The following NFIA variants were observed in gnomAD, a reference collection of about 807,000 sequenced individuals.
NFIA encodes the protein nuclear factor 1 A-type.
NFIA carries 8 observed loss-of-function variants against 62.8 expected under a neutral mutation model. The observed-to-expected ratio is 0.13, with a 90% confidence interval of 0.07 to 0.23. NFIA has a LOEUF of 0.23. NFIA is among the 10% of genes least tolerant of loss of function. The pLI is 1.00. For missense variants in NFIA, 410 were observed against 642.1 expected (o/e 0.64, Z 3.91); for synonymous variants, 235 against 238.1 (o/e 0.99, Z 0.12).
intron 6 of NFIA, among the ~76,000 whole-genome samples, chr1:61,370,349 A>G (rs1394847154): frequency 1.3e-5 from 2 of 152,178 alleles, no homozygotes; most frequent in Admixed American, 1.3e-4. Context: ...ATCAAGAACT[A>G]TTTCCTGATG....
rs369305204 is a variant in NFIA at position 61,096,547 on chromosome 1, C to CTTTTTTTT, written c.559+7883_559+7890dup. Among the ~76,000 whole-genome samples, 674 of 80,586 alleles carry CTTTTTTTT rather than the reference C, an allele frequency of 8.4e-3. 61 individuals carry two copies. Among genetic ancestry groups the CTTTTTTTT allele is most frequent in the African/African-American group, 0.031 (578 of 18,590 alleles). 52.9% of individuals were successfully genotyped at this position (80,586 alleles called of 152,430 possible). ...TCTTTAAACTTAGTCAAGATTAGTT[C>CTTTTTTTT]TTTTTTTTTTTTTTTTTTTTTTTGA... On this transcript the variant is annotated intron_variant, in intron 2 of 10. Coordinates refer to ENST00000403491, the MANE Select transcript of NFIA (RefSeq NM_001134673.4).
chr1:61,102,015 A>T (rs1020426064), intron 2 of NFIA, among the ~76,000 whole-genome samples: 6 of 152,180 alleles, frequency 3.9e-5, no homozygotes, highest in African/African-American at 1.4e-4. Flanking sequence ...CTGAAAGTGA[A>T]ATCTGTTTCT....
chr1:61,297,591 C>T (rs1294744994), intron 3 of NFIA, among the ~76,000 whole-genome samples: 1 of 152,166 alleles, frequency 6.6e-6, no homozygotes, highest in African/African-American at 2.4e-5. Context: ...CCTATTTTAA[C>T]TCTACATGAA....
chr1:61,249,970 G>A (rs888332244), intron 2 of NFIA: 2 of 152,200 alleles, frequency 1.3e-5, no homozygotes, highest in African/African-American at 4.8e-5. Flanking sequence ...AAAAACACAT[G>A]CAGTTCCTTT....
chr1:61,301,741 G>A (rs1010696036), intron 3 of NFIA, among the ~76,000 whole-genome samples: 1 of 152,162 alleles, frequency 6.6e-6, no homozygotes, highest in East Asian at 1.9e-4. Context: ...AAGAGAGTAT[G>A]AACATGCTGA....
chr1:61,127,088 A>C (rs1646988227), intron 2 of NFIA, among the ~76,000 whole-genome samples: 1 of 147,056 alleles, frequency 6.8e-6, no homozygotes, highest in African/African-American at 2.5e-5. Context: ...TGAACCCAGG[A>C]GGTGGAGGTT....
intron 7 of NFIA, among the ~76,000 whole-genome samples, chr1:61,396,096 T>C (rs181435156): frequency 4.2e-4 from 64 of 152,254 alleles, no homozygotes; most frequent in South Asian, 6.2e-4. Context: ...AAGAGAGACC[T>C]AGGGAGAGAG....
At position 61,252,795 on chromosome 1, in the gene NFIA, C is replaced by G. The variant is rs567888377; in HGVS notation, c.560-24725C>G. Among the ~76,000 whole-genome samples the G allele has an allele frequency of 2.1e-3, 313 of 152,322 alleles. 1 individual carries two copies. Among genetic ancestry groups the G allele is most frequent in the African/African-American group, 6.9e-3 (285 of 41,570 alleles). ...GTTAAAATGTTTAAGGTGCATATGT[C>G]TCATTAATGAGTATCTTCTTCATCC... is the stretch of plus-strand genomic sequence containing the variant. On this transcript the variant is annotated intron_variant, in intron 2 of 10. Transcript: ENST00000403491.
At chr1:61,375,166 G>A (rs147585112) in intron 6 of NFIA, among the ~76,000 whole-genome samples, 12 of 152,332 alleles carry the variant, frequency 7.9e-5, no homozygotes, top group African/African-American at 2.4e-4. Flanking sequence ...GTTCCTGCCT[G>A]TGGGGGAATT....
At chr1:61,214,639 G>A (rs762940656) in intron 2 of NFIA, among the ~76,000 whole-genome samples, 8 of 152,022 alleles carry the variant, frequency 5.3e-5, no homozygotes, top group Non-Finnish European at 8.8e-5. Flanking sequence ...ATCATTAAAC[G>A]GTGACTTCTG....
intron 10 of NFIA, among the ~76,000 whole-genome samples, chr1:61,454,332 G>T (rs1345107586): frequency 6.6e-6 from 1 of 152,142 alleles, no homozygotes; most frequent in African/African-American, 2.4e-5. Context: ...GTCCATAATT[G>T]CTCATTCTGT....
In NFIA at chr1:61,384,521, G is replaced by C. The variant is rs529693652; in HGVS notation, c.1075+1156G>C. ...GTGTATTATGTGTGGTATAATCAGAGAGGCTTACTATCGATATATAATTTG... is the reference window on the plus strand; with the variant it reads ...GTGTATTATGTGTGGTATAATCAGACAGGCTTACTATCGATATATAATTTG... On this transcript the variant is annotated intron_variant, in intron 7 of 10. Coordinates refer to ENST00000403491, the MANE Select transcript of NFIA (RefSeq NM_001134673.4). Among the ~76,000 whole-genome samples, 3 of 152,264 alleles carry C rather than the reference G, an allele frequency of 2.0e-5. No homozygotes were observed. In the South Asian group the frequency reaches 6.2e-4, roughly 32 times the overall value.
In NFIA at chr1:61,277,804, G is replaced by C. The variant is rs183458256; in HGVS notation, c.625+219G>C. Among the ~76,000 whole-genome samples, 306 of 152,256 alleles carry C rather than the reference G, an allele frequency of 2.0e-3. 3 individuals are homozygous for C. The highest frequency in any genetic ancestry group is 7.5e-3 in the South Asian group (36 of 4,820). On this transcript the variant is annotated intron_variant, in intron 3 of 10. Transcript: ENST00000403491. ...GGACCCCCGGCCCTAAACACTATTA[G>C]GGTGCCCATGAGAACCTGAATTCCC...
At chr1:61,129,450 C>CTT (rs58108909) in intron 2 of NFIA, among the ~76,000 whole-genome samples, 1 of 99,182 alleles carries the variant, frequency 1.0e-5, no homozygotes. Context: ...TTTCTTTATT[C>CTT]TTTTTTTTTT....
At chr1:61,447,659 A>G (rs1036434905) in intron 10 of NFIA, among the ~76,000 whole-genome samples, 2 of 152,188 alleles carry the variant, frequency 1.3e-5, no homozygotes, top group African/African-American at 4.8e-5. Context: ...TCAGATCTCA[A>G]GCAGCTTCCG....
At chr1:61,131,728 G>A (rs935725904) in intron 2 of NFIA, among the ~76,000 whole-genome samples, 1 of 152,092 alleles carries the variant, frequency 6.6e-6, no homozygotes, top group African/African-American at 2.4e-5. Flanking sequence ...TGTCATTAAT[G>A]ATTTTGGTTT....
At position 61,387,393 on chromosome 1, in the gene NFIA, T is replaced by C. The variant is rs2100492742; in HGVS notation, c.1075+4028T>C. ...AAATAATCCTTTTTCACCCAGGCTT[T>C]GAAAGTATCATGCTGTCCCTATTGC... On this transcript the variant is annotated intron_variant, in intron 7 of 10. Transcript: ENST00000403491. Among the ~76,000 whole-genome samples the C allele has an allele frequency of 3.3e-5, 5 of 152,256 alleles. 1 individual carries two copies. The South Asian group carries it at 1.0e-3, about 32-fold the overall frequency.
At chr1:61,452,273 A>AATT (rs1172854301) in intron 10 of NFIA, among the ~76,000 whole-genome samples, 4 of 151,394 alleles carry the variant, frequency 2.6e-5, no homozygotes, top group Non-Finnish European at 5.9e-5. Flanking sequence ...TATTATTATT[A>AATT]TTATTATTAG....
At chr1:61,222,491 G>A in intron 2 of NFIA, among the ~76,000 whole-genome samples, 1 of 152,030 alleles carries the variant, frequency 6.6e-6, no homozygotes, top group East Asian at 1.9e-4. Flanking sequence ...ATGTTACCAG[G>A]AGTTTAAAGG....
Sources: allele counts gnomAD v4.1 joint callset (sites outside exome capture counted in the v4.1 genomes callset), GRCh38; gene constraint gnomAD v4.1.1; transcripts MANE v1.5; gene names NCBI Gene and HGNC (gene_info 2026-07-23, HGNC 2026-07-21).